MEIS2: variants seen among roughly 807,000 people sequenced by gnomAD.
MEIS2 encodes Meis homeobox 2, also known as homeobox protein Meis2.
In MEIS2, 9 loss-of-function variants were observed where a neutral mutation model predicts 58.6. The observed-to-expected ratio is 0.15, with a 90% CI of 0.09 to 0.27. The LOEUF is 0.27. Among genes scored for constraint, MEIS2 ranks in the 10% least tolerant of loss-of-function variants. MEIS2 has a pLI of 1.00. For missense variants in MEIS2, 427 were observed against 635.0 expected, an observed-to-expected ratio of 0.67 and a Z score of 3.52; for synonymous variants, 221 against 228.4, an observed-to-expected ratio of 0.97 and a Z score of 0.29.
intron 8 of MEIS2, among the ~76,000 whole-genome samples, chr15:36,952,646 T>TGTGTGTGTGTGTGTGTGC (rs1356856777): frequency 6.7e-6 from 1 of 150,088 alleles, no homozygotes; most frequent in African/African-American, 2.5e-5. Context: ...TGTGTGTGTG[T>TGTGTGTGTGTGTGTGTGC]GTGCATGTGT....
intron 8 of MEIS2, among the ~76,000 whole-genome samples, chr15:37,017,401 C>T (rs761932546): frequency 2.0e-5 from 3 of 152,076 alleles, no homozygotes; most frequent in South Asian, 2.1e-4. Flanking sequence ...CCCAGGGATT[C>T]GAGACCAGCC....
intron 8 of MEIS2, among the ~76,000 whole-genome samples, chr15:36,995,992 T>TATAC (rs1567159998): frequency 5.7e-4 from 30 of 52,720 alleles, no homozygotes; most frequent in Admixed American, 2.4e-3. Flanking sequence ...TATATATATA[T>TATAC]ATATATATAT....
chr15:36,949,648 C>T (rs184553805), intron 9 of MEIS2, among the ~76,000 whole-genome samples: 113 of 152,072 alleles, frequency 7.4e-4, no homozygotes, highest in African/African-American at 2.6e-3. Context: ...AATTAAGCTG[C>T]TGATAAAACC....
At chr15:36,950,084 GAGA>G (rs1331879831) in intron 9 of MEIS2, among the ~76,000 whole-genome samples, 1 of 151,850 alleles carries the variant, frequency 6.6e-6, no homozygotes, top group Non-Finnish European at 1.5e-5. Context: ...AAGAGTGATA[GAGA>G]AGAAGAGAAA....
At chr15:36,999,032 TAG>T (rs1488143830) in intron 8 of MEIS2, among the ~76,000 whole-genome samples, 2 of 152,234 alleles carry the variant, frequency 1.3e-5, no homozygotes, top group East Asian at 3.8e-4. Flanking sequence ...CATCTTCAGG[TAG>T]AGTTATCAGT....
At chr15:37,038,012 C>T (rs1026717337) in intron 7 of MEIS2, among the ~76,000 whole-genome samples, 1 of 152,112 alleles carries the variant, frequency 6.6e-6, no homozygotes, top group Non-Finnish European at 1.5e-5. Context: ...TGGAGCCACA[C>T]GAAAGAGGAA....
upstream of MEIS2, chr15:37,100,781 G>A (rs78011668): frequency 3.3e-5 from 5 of 151,670 alleles, no homozygotes; most frequent in African/African-American, 1.2e-4. Context: ...GAGAGGGAGA[G>A]GGGGAGAGAG....
intron 8 of MEIS2, 63 bp from the exon 9 acceptor site, chr15:36,950,463 A>G: frequency 6.7e-7 from 1 of 1,485,932 alleles, no homozygotes; most frequent in Admixed American, 1.7e-5. Context: ...ACTTACTTCT[A>G]AGAATAAAAC....
At chr15:37,002,224 C>T (rs909329102) in intron 8 of MEIS2, among the ~76,000 whole-genome samples, 10 of 152,084 alleles carry the variant, frequency 6.6e-5, no homozygotes, top group Admixed American at 6.5e-4. Flanking sequence ...GCTTCCCATA[C>T]ATTCCCTGCA....
chr15:36,946,421 A>AG (rs1491549511), intron 9 of MEIS2, among the ~76,000 whole-genome samples: 3 of 138,226 alleles, frequency 2.2e-5, no homozygotes, highest in East Asian at 2.4e-4. Context: ...AAAGAACTGT[A>AG]GAAAAAAAAA....
intron 8 of MEIS2, among the ~76,000 whole-genome samples, chr15:36,972,488 C>T (rs542907563): frequency 6.6e-6 from 1 of 152,254 alleles, no homozygotes; most frequent in South Asian, 2.1e-4. Context: ...AACTCCTGAC[C>T]TCAAGTGATC....
intron 8 of MEIS2, among the ~76,000 whole-genome samples, chr15:36,984,787 G>A (rs2060042121): frequency 6.6e-6 from 1 of 151,954 alleles, no homozygotes. Context: ...GTCTGTTCAG[G>A]TTTTCTACCT....
intron 7 of MEIS2, among the ~76,000 whole-genome samples, chr15:37,039,315 G>A (rs2062310389): frequency 6.6e-6 from 1 of 152,128 alleles, no homozygotes; most frequent in African/African-American, 2.4e-5. Context: ...AACACACTCT[G>A]TAAACAATGC....
At chr15:36,939,963 G>A (rs74658894) in intron 9 of MEIS2, among the ~76,000 whole-genome samples, 3,755 of 152,262 alleles carry the variant, frequency 0.025, 71 homozygotes, top group Non-Finnish European at 0.042. Context: ...AAATTGCGAT[G>A]GCAGGATATT....
chr15:36,989,983 C>CCAGCACT (rs2060215661), intron 8 of MEIS2, among the ~76,000 whole-genome samples: 1 of 152,110 alleles, frequency 6.6e-6, no homozygotes, highest in Admixed American at 6.5e-5. Context: ...CTCACTCTGT[C>CCAGCACT]GCCCAGGCTG....
chr15:37,031,877 T>A (rs559819368), intron 8 of MEIS2, among the ~76,000 whole-genome samples: 2 of 149,968 alleles, frequency 1.3e-5, no homozygotes, highest in African/African-American at 4.9e-5. Context: ...TTCATTCCGT[T>A]GCTTAGGCTG....
chr15:36,909,699 G>A (rs1176266941), intron 9 of MEIS2, among the ~76,000 whole-genome samples: 2 of 152,170 alleles, frequency 1.3e-5, no homozygotes, highest in African/African-American at 4.8e-5. Flanking sequence ...GGGTGCAGAT[G>A]TGACTTGGAA....
chr15:36,991,703 T>C lies in MEIS2; in HGVS notation c.901-41303A>G, dbSNP rs144180357. Among the ~76,000 whole-genome samples, 367 of 151,072 alleles carry C rather than the reference T, an allele frequency of 2.4e-3. 2 individuals are homozygous for C. Among genetic ancestry groups the C allele is most frequent in the African/African-American group, 8.5e-3 (351 of 41,286 alleles). The stretch of plus-strand genomic sequence containing the variant: ...TATAAGGCAAGTACAAAGTATTAAC[T>C]CTTAAAGCTATCAGGCTACACTCTT... On this transcript the variant is annotated intron_variant, in intron 8 of 11. Transcript: ENST00000561208.
chr15:36,985,036 T>C (rs777537285), intron 8 of MEIS2, among the ~76,000 whole-genome samples: 4 of 152,184 alleles, frequency 2.6e-5, no homozygotes, highest in Non-Finnish European at 4.4e-5. Flanking sequence ...CTTAGTTTAA[T>C]TGAACTTTTC....
Sources: gnomAD v4.1 joint callset for allele counts (sites outside exome capture counted in the v4.1 genomes callset) on GRCh38, gnomAD v4.1.1 for gene constraint, MANE v1.5 for transcripts, NCBI Gene and HGNC (gene_info 2026-07-23, HGNC 2026-07-21) for gene names.